The following KIAA1217 variants were observed in gnomAD, a reference collection of about 807,000 sequenced individuals.
KIAA1217 encodes KIAA1217, also known as sickle tail protein homolog.
KIAA1217 carries 88 observed loss-of-function variants against 163.9 expected under a neutral mutation model. The ratio of observed to expected loss-of-function variants is 0.54; its 90% CI spans 0.45 to 0.64. The LOEUF is 0.64. Among genes scored for constraint, KIAA1217 ranks in the 30% least tolerant of loss-of-function variants. KIAA1217 has a pLI of 0.00. For synonymous variants in KIAA1217, 903 were observed against 923.1 expected (o/e 0.98, Z 0.39); for missense variants, 2,372 against 2,475.0 (o/e 0.96, Z 0.88).
At chr10:24,291,190 G>T (rs1477018354) in intron 2 of KIAA1217, among the ~76,000 whole-genome samples, 1 of 152,200 alleles carries the variant, frequency 6.6e-6, no homozygotes, top group East Asian at 1.9e-4. Flanking sequence ...GGCTATCCTA[G>T]AGCCCAGTCC....
intron 2 of KIAA1217, among the ~76,000 whole-genome samples, chr10:24,289,311 C>T (rs2078866115): frequency 2.0e-5 from 3 of 151,878 alleles, no homozygotes; most frequent in Admixed American, 6.6e-5. Context: ...GGAAGGTGGA[C>T]TGTGAAAGGA....
At chr10:23,817,693 A>C (rs1400451248) in intron 1 of KIAA1217, among the ~76,000 whole-genome samples, 1 of 152,018 alleles carries the variant, frequency 6.6e-6, no homozygotes, top group Non-Finnish European at 1.5e-5. Context: ...TGAGAGAAGA[A>C]ACATTTCAAT....
At chr10:24,285,950 T>G (rs940546829) in intron 2 of KIAA1217, among the ~76,000 whole-genome samples, 1 of 152,170 alleles carries the variant, frequency 6.6e-6, no homozygotes, top group African/African-American at 2.4e-5. Flanking sequence ...CTGGGTATTT[T>G]ATTATCGTGT....
intron 1 of KIAA1217, among the ~76,000 whole-genome samples, chr10:23,972,607 T>G (rs148210380): frequency 0.017 from 2,575 of 151,632 alleles, 62 homozygotes; most frequent in African/African-American, 0.059. Context: ...AAAAAGATTC[T>G]GCTTGAATTG....
At chr10:24,343,541 T>A (rs565029602) in intron 2 of KIAA1217, among the ~76,000 whole-genome samples, 1 of 152,354 alleles carries the variant, frequency 6.6e-6, no homozygotes, top group Non-Finnish European at 1.5e-5. Context: ...TTTCTCCAGT[T>A]GTTAAAGTTT....
intron 6 of KIAA1217, among the ~76,000 whole-genome samples, chr10:24,489,724 C>G (rs749992752): frequency 1.3e-5 from 2 of 151,540 alleles, no homozygotes; most frequent in Admixed American, 1.3e-4. Flanking sequence ...ATTAGCCAGG[C>G]GTGGTGGTGC....
At chr10:23,817,975 A>G (rs1296292459) in intron 1 of KIAA1217, among the ~76,000 whole-genome samples, 1 of 77,996 alleles carries the variant, frequency 1.3e-5, no homozygotes, top group Non-Finnish European at 2.6e-5. Context: ...ATATATATAT[A>G]TATATATATA....
At position 24,465,161 on chromosome 10, in the gene KIAA1217, A is replaced by G. The variant is rs74714347; in HGVS notation, c.847-8067A>G. Among the ~76,000 whole-genome samples the G allele has an allele frequency of 7.1e-4, 107 of 149,842 alleles. 4 individuals are homozygous for G. The East Asian group carries it at 0.02, about 29-fold the overall frequency. ...CAGAAGCTGATAGTGTGTGCCTCCC[A>G]TACTCTGGTGAGAAATAACAAACCC... On this transcript the variant is annotated intron_variant, in intron 5 of 20. Transcript: ENST00000376454.
intron 1 of KIAA1217, among the ~76,000 whole-genome samples, chr10:23,744,339 G>A (rs548664539): frequency 8.5e-5 from 13 of 152,260 alleles, no homozygotes; most frequent in Admixed American, 6.5e-4. Flanking sequence ...CAGGTCTAAA[G>A]GTCAATTTTT....
intron 1 of KIAA1217, among the ~76,000 whole-genome samples, chr10:23,835,498 A>T (rs1438804697): frequency 1.3e-5 from 2 of 152,034 alleles, no homozygotes; most frequent in Non-Finnish European, 2.9e-5. Context: ...TGAGGCATTG[A>T]TGTTTCTGCC....
chr10:24,330,167 GCGT>G (rs2045478499), intron 2 of KIAA1217, among the ~76,000 whole-genome samples: 1 of 152,010 alleles, frequency 6.6e-6, no homozygotes, highest in African/African-American at 2.4e-5. Flanking sequence ...AGGCGTGGTG[GCGT>G]GCACCTGTAA....
At chr10:24,003,819 T>G (rs1288046912) in intron 1 of KIAA1217, among the ~76,000 whole-genome samples, 1 of 152,208 alleles carries the variant, frequency 6.6e-6, no homozygotes, top group Non-Finnish European at 1.5e-5. Flanking sequence ...CTCAGTGGGT[T>G]TCATATTCCT....
At chr10:24,038,646 G>C (rs2366600) in intron 2 of KIAA1217, among the ~76,000 whole-genome samples, 4 of 152,078 alleles carry the variant, frequency 2.6e-5, no homozygotes, top group Non-Finnish European at 5.9e-5. Flanking sequence ...ATTGGATCCA[G>C]TAGTTGCTAG....
intron 2 of KIAA1217, among the ~76,000 whole-genome samples, chr10:24,313,145 C>T (rs947160110): frequency 6.6e-6 from 1 of 152,130 alleles, no homozygotes; most frequent in African/African-American, 2.4e-5. Flanking sequence ...CTCCTCACCG[C>T]GATCTCTTCC....
At chr10:23,831,676 C>T (rs1007960905) in intron 1 of KIAA1217, among the ~76,000 whole-genome samples, 1 of 152,052 alleles carries the variant, frequency 6.6e-6, no homozygotes, top group Non-Finnish European at 1.5e-5. Flanking sequence ...ATATCTCCTC[C>T]CCTAACCATA....
At chr10:24,137,449 GCTGCTGCACC>G (rs2063877884) in intron 2 of KIAA1217, among the ~76,000 whole-genome samples, 1 of 152,170 alleles carries the variant, frequency 6.6e-6, no homozygotes, top group East Asian at 1.9e-4. Flanking sequence ...GGCATTTTCT[GCTGCTGCACC>G]AACACTCTTT....
At chr10:24,460,131 A>G (rs1033395402) in intron 5 of KIAA1217, among the ~76,000 whole-genome samples, 6 of 152,204 alleles carry the variant, frequency 3.9e-5, no homozygotes, top group Admixed American at 2.0e-4. Flanking sequence ...ACAGACTTCA[A>G]CTAAACCCAA....
chr10:24,135,753 G>A (rs1242644424), intron 2 of KIAA1217, among the ~76,000 whole-genome samples: 1 of 152,166 alleles, frequency 6.6e-6, no homozygotes, highest in Non-Finnish European at 1.5e-5. Flanking sequence ...AGGGACTGTA[G>A]TCCCAGCTCT....
intron 2 of KIAA1217, among the ~76,000 whole-genome samples, chr10:24,232,075 G>A (rs560301805): frequency 3.9e-4 from 60 of 152,154 alleles, no homozygotes; most frequent in Admixed American, 2.0e-4. Context: ...GATTACAGGC[G>A]TGAGCCACTG....
Sources: allele counts gnomAD v4.1 joint callset (sites outside exome capture counted in the v4.1 genomes callset), GRCh38; gene constraint gnomAD v4.1.1; transcripts MANE v1.5; gene names NCBI Gene and HGNC (gene_info 2026-07-23, HGNC 2026-07-21).